Variants in MX1 observed in about 807,000 individuals in gnomAD.
MX1 encodes the protein interferon-induced GTP-binding protein Mx1.
Under a neutral mutation model 66.4 loss-of-function variants are expected in MX1, and 66 were observed. The ratio of observed to expected loss-of-function variants is 0.99; its 90% confidence interval spans 0.82 to 1.22. The LOEUF is 1.22. MX1 is among the 50% of genes most tolerant of loss of function. The pLI is 0.00. For missense variants in MX1, 787 were observed against 834.3 expected (o/e 0.94, Z 0.70); for synonymous variants, 311 against 318.1 (o/e 0.98, Z 0.24).
rs2090753327 is a variant in MX1 at position 41,449,125 on chromosome 21, T to C, written c.1274-12T>C. 6.4e-7 allele frequency: 1 copy of C among 1,568,988 alleles called. No individual in the cohort carries two copies. The highest frequency in any genetic ancestry group is 2.0e-5 in the Admixed American group (1 of 48,848). ...TGTAAAATAATTTAGAGGGTTTTTT[T>C]TCCTGCTATAGGCCATAAAATTTTG... On this transcript the variant is annotated splice_polypyrimidine_tract_variant and intron_variant, in intron 13 of 16. Transcript: ENST00000398598.
chr21:41,445,239 A>T (rs1304233316), intron 11 of MX1, among the ~76,000 whole-genome samples: 1 of 152,084 alleles, frequency 6.6e-6, no homozygotes, highest in Non-Finnish European at 1.5e-5. Context: ...CTGTCGCAGG[A>T]GTGGGGAAGG....
chr21:41,452,680 C>T lies in MX1; in HGVS notation c.1569C>T (p.Leu523=), dbSNP rs775987221. 1.1e-5 allele frequency: 17 copies of T among 1,614,044 alleles called. No homozygotes were observed. The Admixed American group carries it at 2.7e-4, about 25-fold the overall frequency. The part of the protein sequence containing the change: ...QEREGEKLIR[L]HFQMEQIVYC... ...GAGAAGGTGAGAAGCTGATCCGCCT[C>T]CACTTCCAGATGGAACAGATTGTCT... The change falls in exon 16 of 17, where the codon CTC becomes CTT. Residue 523 remains leucine (L), a synonymous_variant. Coordinates refer to ENST00000398598, the MANE Select transcript of MX1 (RefSeq NM_002462.5).
chr21:41,431,790 A>AAGCGCCTTGAGCAGGGAGGC (rs1193793045), intron 4 of MX1: 1 of 365,460 alleles, frequency 2.7e-6, no homozygotes, highest in African/African-American at 2.1e-5. Context: ...GATATTCTTG[A>AAGCGCCTTGAGCAGGGAGGC]AGCGCCTTGA....
At chr21:41,451,025 T>C in intron 14 of MX1, 142 bp from the exon 15 acceptor site, 1 of 561,288 alleles carries the variant, frequency 1.8e-6, no homozygotes, top group Non-Finnish European at 3.2e-6. Flanking sequence ...GAGCATGCCT[T>C]GCTTTTTCAT....
chr21:41,428,677 A>G (rs1376220625), intron 3 of MX1: 2 of 152,390 alleles, frequency 1.3e-5, no homozygotes, highest in Non-Finnish European at 2.9e-5. Context: ...ATTGGGCCAC[A>G]GCAAGTGTTC....
At chr21:41,446,784 C>T (rs574602993) in intron 13 of MX1, among the ~76,000 whole-genome samples, 2 of 152,328 alleles carry the variant, frequency 1.3e-5, no homozygotes, top group South Asian at 4.1e-4. Context: ...TCTGTTGATA[C>T]CATCACACTG....
At chr21:41,452,002 G>A (rs902695207) in intron 15 of MX1, among the ~76,000 whole-genome samples, 5 of 152,058 alleles carry the variant, frequency 3.3e-5, no homozygotes, top group African/African-American at 1.2e-4. Flanking sequence ...TTCACCAGCT[G>A]GAGGCCTTGG....
intron 15 of MX1, 40 bp from the exon 16 acceptor site, chr21:41,452,581 T>A: frequency 1.3e-6 from 2 of 1,564,990 alleles, no homozygotes; most frequent in South Asian, 2.4e-5. Context: ...CAGGAATTTG[T>A]GTCTTGAGGG....
At position 41,445,576 on chromosome 21, in the gene MX1, T is replaced by C. The variant is rs1176450342; in HGVS notation, c.1131+6T>C. 6.2e-7 allele frequency: 1 copy of C among 1,613,828 alleles called. No individual in the cohort carries two copies. The highest frequency in any genetic ancestry group is 8.5e-7 in the Non-Finnish European group (1 of 1,179,976). Reference sequence around the variant, plus strand: ...AAATGTTCTTCCTGATAGATGTGAGTGTTGCCAGCTGCATGGAGCTGGAGA... The same window carrying C: ...AAATGTTCTTCCTGATAGATGTGAGCGTTGCCAGCTGCATGGAGCTGGAGA... On this transcript the variant is annotated splice_donor_region_variant and intron_variant, in intron 12 of 16. Transcript: ENST00000398598.
At chr21:41,451,568 A>T (rs889341393) in intron 15 of MX1, among the ~76,000 whole-genome samples, 15 of 152,174 alleles carry the variant, frequency 9.9e-5, no homozygotes, top group African/African-American at 3.6e-4. Context: ...AGTGGGCATG[A>T]TGAGCCTGTA....
chr21:41,438,252 T>A (rs936799733), intron 7 of MX1, among the ~76,000 whole-genome samples: 2 of 152,230 alleles, frequency 1.3e-5, no homozygotes, highest in Non-Finnish European at 2.9e-5. Flanking sequence ...TTTGAATTAG[T>A]TGGGATTAGG....
intron 16 of MX1, 57 bp downstream of exon 16, chr21:41,452,926 G>C: frequency 6.3e-7 from 1 of 1,588,280 alleles, no homozygotes; most frequent in Middle Eastern, 1.8e-4. Context: ...TCTTCTGAAC[G>C]CCTCTCTCTT....
Position 41,443,878 on chromosome 21 carries a change from C to T in MX1, c.1008+12C>T, listed in dbSNP as rs776371051. 3.1e-6 allele frequency: 5 copies of T among 1,613,640 alleles called. No homozygotes were observed. Among genetic ancestry groups the T allele is most frequent in the Non-Finnish European group, 4.2e-6 (5 of 1,179,624 alleles). On this transcript the variant is annotated intron_variant, in intron 11 of 16. Coordinates refer to ENST00000398598, the MANE Select transcript of MX1 (RefSeq NM_002462.5). ...TCACACATATCTGTGTAAGCACGGG[C>T]AGAGCTGTGGGTTCTCTAAAAAGAA...
At chr21:41,428,761 G>A (rs2090134393) in intron 3 of MX1, 1 of 152,212 alleles carries the variant, frequency 6.6e-6, no homozygotes, top group Non-Finnish European at 1.5e-5. Flanking sequence ...GCGAAAGTGA[G>A]AAACACGTAT....
rs2090820326 is a variant in MX1 at position 41,451,374 on chromosome 21, C to T, written c.1509+131C>T. 7 of 693,566 alleles carry T rather than the reference C, an allele frequency of 1.0e-5. No homozygotes were observed. In the South Asian group the frequency reaches 1.2e-4, roughly 12 times the overall value. 43.0% of individuals were successfully genotyped at this position (693,566 alleles called of 1,614,324 possible). On this transcript the variant is annotated intron_variant, in intron 15 of 16. Coordinates refer to ENST00000398598, the MANE Select transcript of MX1 (RefSeq NM_002462.5). Reference sequence around the variant, plus strand: ...TTTTAGAACAGCAAATAACATCACTCACTAGTGCTTCTTCTGATGTTACCG... The same window carrying T: ...TTTTAGAACAGCAAATAACATCACTTACTAGTGCTTCTTCTGATGTTACCG...
chr21:41,431,897 C>T lies in MX1; in HGVS notation c.-21-153C>T, dbSNP rs569181548. On this transcript the variant is annotated intron_variant, in intron 4 of 16. Transcript: ENST00000398598. ...AAAAGCCAGTGAGCACACACTGTGTCCCAGGCACTCTTCTACGCTCTGGGG... is the reference window on the plus strand; with the variant it reads ...AAAAGCCAGTGAGCACACACTGTGTTCCAGGCACTCTTCTACGCTCTGGGG... 1.1e-4 allele frequency: 64 copies of T among 609,134 alleles called. No homozygotes were observed. The Admixed American group carries it at 1.3e-3, about 13-fold the overall frequency. The allele number at this position is 609,134 out of a possible 1,614,324, so 37.7% of individuals were successfully genotyped here.
At chr21:41,437,897 T>A (rs960031608) in intron 7 of MX1, among the ~76,000 whole-genome samples, 4 of 152,238 alleles carry the variant, frequency 2.6e-5, no homozygotes, top group Admixed American at 2.0e-4. Flanking sequence ...TGTGTTTGCA[T>A]AATCCCAGCT....
intron 16 of MX1, among the ~76,000 whole-genome samples, chr21:41,456,642 C>T (rs965695964): frequency 3.3e-5 from 5 of 152,308 alleles, no homozygotes; most frequent in African/African-American, 9.6e-5. Context: ...ACACATGAAA[C>T]ACACCATCAC....
chr21:41,455,403 C>G (rs468904), intron 16 of MX1, among the ~76,000 whole-genome samples: 1 of 152,052 alleles, frequency 6.6e-6, no homozygotes, highest in African/African-American at 2.4e-5. Context: ...CACACCTGTC[C>G]GCTGCTTCCA....
Sources: allele counts gnomAD v4.1 joint callset (sites outside exome capture counted in the v4.1 genomes callset), GRCh38; gene constraint gnomAD v4.1.1; transcripts MANE v1.5; gene names NCBI Gene and HGNC (gene_info 2026-07-23, HGNC 2026-07-21).